The following TENM3 variants were observed in gnomAD, a reference collection of about 807,000 sequenced individuals.
TENM3 encodes teneurin transmembrane protein 3, also known as teneurin-3.
Under a neutral mutation model 255.1 loss-of-function variants are expected in TENM3, and 63 were observed. The ratio of observed to expected loss-of-function variants is 0.25; its 90% CI spans 0.20 to 0.30. The LOEUF is 0.30. Among genes scored for constraint, TENM3 ranks in the 10% least tolerant of loss-of-function variants. The pLI, the probability that TENM3 is intolerant of heterozygous loss-of-function variation, is 1.00. For synonymous variants in TENM3, 1,306 were observed against 1,322.3 expected (o/e 0.99, Z 0.27); for missense variants, 2,929 against 3,461.1 (o/e 0.85, Z 3.86).
chr4:181,850,219 C>T, the TENM3 span, among the ~76,000 whole-genome samples: 3 of 151,538 alleles, frequency 2.0e-5, no homozygotes, highest in African/African-American at 7.3e-5. Context: ...CATTTTTCTC[C>T]TATTTCTCAG....
the TENM3 span, among the ~76,000 whole-genome samples, chr4:182,019,842 T>G: frequency 3.3e-5 from 5 of 152,012 alleles, no homozygotes; most frequent in African/African-American, 4.8e-5. Flanking sequence ...TTTTTGTACT[T>G]TTTTGTAGAG....
At chr4:182,454,153 G>T (rs1580604236) in intron 3 of TENM3, among the ~76,000 whole-genome samples, 1 of 152,138 alleles carries the variant, frequency 6.6e-6, no homozygotes, top group Admixed American at 6.5e-5. Context: ...TCAGTAAAGT[G>T]ACCTTGATGG....
chr4:181,562,678 A>ATTTTTT, the TENM3 span, among the ~76,000 whole-genome samples: 5 of 143,220 alleles, frequency 3.5e-5, no homozygotes, highest in African/African-American at 1.0e-4. Context: ...ATTCTTCTTA[A>ATTTTTT]TTTTTTTTTT....
chr4:182,797,964 T>C (rs1766618589), intron 27 of TENM3, among the ~76,000 whole-genome samples: 1 of 152,196 alleles, frequency 6.6e-6, no homozygotes, highest in South Asian at 2.1e-4. Flanking sequence ...TATAGTCGTG[T>C]GTGTGCAACA....
At chr4:182,020,601 A>G in the TENM3 span, among the ~76,000 whole-genome samples, 1 of 152,198 alleles carries the variant, frequency 6.6e-6, no homozygotes, top group Non-Finnish European at 1.5e-5. Flanking sequence ...GGATATGCTA[A>G]TTACCCTGAT....
intron 3 of TENM3, among the ~76,000 whole-genome samples, chr4:182,437,823 G>A (rs1772160560): frequency 6.6e-6 from 1 of 151,174 alleles, no homozygotes; most frequent in African/African-American, 2.4e-5. Flanking sequence ...ATCTGGGCGG[G>A]CACCTGTAGT....
intron 3 of TENM3, among the ~76,000 whole-genome samples, chr4:182,374,590 C>A (rs948749379): frequency 2.6e-5 from 4 of 152,138 alleles, no homozygotes; most frequent in Admixed American, 2.6e-4. Context: ...ATTTCAAGTT[C>A]ATTAGCCTTG....
At chr4:182,478,934 T>C (rs192890536) in intron 3 of TENM3, among the ~76,000 whole-genome samples, 156 of 152,138 alleles carry the variant, frequency 1.0e-3, no homozygotes, top group African/African-American at 3.5e-3. Context: ...ACTTTTATGA[T>C]TGATGGTTGT....
the TENM3 span, among the ~76,000 whole-genome samples, chr4:181,669,043 G>A: frequency 2.6e-5 from 4 of 152,078 alleles, no homozygotes; most frequent in Non-Finnish European, 4.4e-5. Context: ...TAGGTCATTA[G>A]TAGTAACTCA....
At chr4:182,121,143 C>T in the TENM3 span, among the ~76,000 whole-genome samples, 4 of 151,958 alleles carry the variant, frequency 2.6e-5, no homozygotes, top group South Asian at 2.1e-4. Context: ...GGATTACAGG[C>T]GCCCACACGA....
the TENM3 span, among the ~76,000 whole-genome samples, chr4:181,815,160 GTGTAGAGGAAGCCAGGCA>G: frequency 6.6e-6 from 1 of 152,022 alleles, no homozygotes; most frequent in Admixed American, 6.6e-5. Context: ...GTCTGTGAAA[GTGTAGAGGAAGCCAGGCA>G]TGGTGGCTCA....
At chr4:182,237,780 A>T (rs1756986706) in intron 1 of TENM3, among the ~76,000 whole-genome samples, 1 of 152,200 alleles carries the variant, frequency 6.6e-6, no homozygotes, top group Non-Finnish European at 1.5e-5. Flanking sequence ...ACTTATGGAG[A>T]TAAAGAGGAT....
chr4:182,778,829 T>C (rs1182096128), intron 24 of TENM3, among the ~76,000 whole-genome samples: 1 of 152,066 alleles, frequency 6.6e-6, no homozygotes, highest in Non-Finnish European at 1.5e-5. Flanking sequence ...ACACAACAAA[T>C]GGATTCATTT....
chr4:182,355,747 T>A (rs1010330419), intron 3 of TENM3, among the ~76,000 whole-genome samples: 2 of 152,092 alleles, frequency 1.3e-5, no homozygotes, highest in African/African-American at 4.8e-5. Flanking sequence ...TTAAAGAGAC[T>A]GTCTTCCCCA....
At chr4:181,649,094 G>T in the TENM3 span, among the ~76,000 whole-genome samples, 1 of 152,188 alleles carries the variant, frequency 6.6e-6, no homozygotes, top group African/African-American at 2.4e-5. Flanking sequence ...CAAGGCCTCT[G>T]CATTTAAGTA....
intron 1 of TENM3, among the ~76,000 whole-genome samples, chr4:182,203,743 T>C (rs1396785343): frequency 2.0e-5 from 3 of 152,170 alleles, no homozygotes; most frequent in Non-Finnish European, 4.4e-5. Flanking sequence ...CATTGGAGTG[T>C]CTTTGGCAGG....
the TENM3 span, among the ~76,000 whole-genome samples, chr4:182,056,275 T>A: frequency 1.3e-5 from 2 of 152,338 alleles, no homozygotes; most frequent in Middle Eastern, 3.4e-3. Context: ...TTTTTAACAA[T>A]GTCTTTGACA....
At chr4:182,395,715 G>A (rs1768759613) in intron 3 of TENM3, among the ~76,000 whole-genome samples, 1 of 152,104 alleles carries the variant, frequency 6.6e-6, no homozygotes. Flanking sequence ...AAAAATTAAA[G>A]TTTGACAAGG....
rs1040552339 is a variant in TENM3, at chr4:182,673,139, C to G, written c.1246C>G (p.Leu416Val). Residue 416 changes from leucine to valine, a missense_variant, in exon 7 of 28, where the codon CTT (leucine) becomes GTT (valine). This residue lies in a region of TENM3 where 1,608 missense variants were observed against 1,884.4 expected (regional missense o/e 0.85). Transcript: ENST00000511685. ...GCTCTTCATTGATCAGCCACAGTTTCTTAAATTCAATATCTCTCTTCAGAA... is the reference window on the plus strand; with the variant it reads ...GCTCTTCATTGATCAGCCACAGTTTGTTAAATTCAATATCTCTCTTCAGAA... ...SQLFIDQPQF[L>V]KFNISLQKDA... The G allele has an allele frequency of 2.5e-5, 41 of 1,613,668 alleles. No individual in the cohort carries two copies. The highest frequency in any genetic ancestry group is 3.1e-5 in the Non-Finnish European group (37 of 1,179,796).
Sources: gnomAD v4.1 joint callset for allele counts (sites outside exome capture counted in the v4.1 genomes callset) on GRCh38, gnomAD v4.1.1 for gene constraint, gnomAD v4.1.1 regional missense constraint, MANE v1.5 for transcripts, NCBI Gene and HGNC (gene_info 2026-07-23, HGNC 2026-07-21) for gene names.